TBX20: variants seen among roughly 807,000 people sequenced by gnomAD.
The protein encoded by TBX20 is T-box transcription factor 20, also known as T-box transcription factor TBX20.
Under a neutral mutation model 42.9 loss-of-function variants are expected in TBX20, and 8 were observed. The observed-to-expected ratio is 0.19, with a 90% CI of 0.11 to 0.34. The LOEUF (loss-of-function observed/expected upper bound fraction) is 0.34, where lower values mean the gene tolerates loss of function less well. Ranked by LOEUF, TBX20 falls within the 10% of genes least tolerant of loss-of-function variation. The probability of loss-of-function intolerance (pLI) is 1.00; values close to 1 mark genes in which losing one functional copy is unlikely to be tolerated. For synonymous variants in TBX20, 198 were observed against 222.8 expected, an observed-to-expected ratio of 0.89 and a Z score of 0.99; for missense variants, 411 against 566.0, an observed-to-expected ratio of 0.73 and a Z score of 2.78.
At chr7:35,251,552 G>A (rs758325026) in intron 1 of TBX20, among the ~76,000 whole-genome samples, 18 of 152,008 alleles carry the variant, frequency 1.2e-4, no homozygotes, top group Non-Finnish European at 2.4e-4. Context: ...TAATGTCTTC[G>A]GAGGGAATTA....
chr7:35,241,974 C>T (rs564991678), intron 4 of TBX20, among the ~76,000 whole-genome samples: 8 of 152,180 alleles, frequency 5.3e-5, no homozygotes, highest in East Asian at 3.9e-4. Context: ...TATGTCTTTC[C>T]GGGGATGAGA....
In TBX20 at chr7:35,248,805, C is replaced by A. The variant is rs753944089; in HGVS notation, c.417G>T (p.Gly139=). The part of the protein sequence containing the change: ...MFPTIRVSFS[G]VDPEAKYIVL... ...CTATGTACTTGGCCTCAGGATCCAC[C>A]CCCGAAAAGGACACCCGGATGGTTG... The change falls in exon 3 of 8, where the codon GGG becomes GGT. Residue 139 remains glycine (G), a synonymous_variant. Coordinates refer to ENST00000408931, the MANE Select transcript of TBX20 (RefSeq NM_001077653.2). 2 of 1,613,954 alleles carry A rather than the reference C, an allele frequency of 1.2e-6. No homozygotes were observed. The highest frequency in any genetic ancestry group is 1.7e-6 in the Non-Finnish European group (2 of 1,180,036).
intron 5 of TBX20, among the ~76,000 whole-genome samples, chr7:35,234,423 T>C (rs1789923626): frequency 6.6e-6 from 1 of 152,218 alleles, no homozygotes; most frequent in African/African-American, 2.4e-5. Flanking sequence ...GTTGCTCAAT[T>C]GACGTGTCAC....
intron 6 of TBX20, among the ~76,000 whole-genome samples, chr7:35,207,926 T>A (rs1339633016): frequency 5.3e-5 from 8 of 152,232 alleles, no homozygotes; most frequent in Non-Finnish European, 1.2e-4. Flanking sequence ...TTCTAGTTCT[T>A]TGCATTTCCA....
At chr7:35,236,713 G>A (rs1414273825) in intron 5 of TBX20, among the ~76,000 whole-genome samples, 2 of 152,148 alleles carry the variant, frequency 1.3e-5, no homozygotes, top group Non-Finnish European at 2.9e-5. Flanking sequence ...AAGGCATATG[G>A]CTTTGTGCAA....
intron 6 of TBX20, among the ~76,000 whole-genome samples, chr7:35,228,921 G>A (rs912063655): frequency 6.6e-6 from 1 of 152,088 alleles, no homozygotes; most frequent in Admixed American, 6.6e-5. Flanking sequence ...GAAGAGTAAG[G>A]CTACACACAA....
chr7:35,219,868 G>C (rs1789651060), intron 6 of TBX20, among the ~76,000 whole-genome samples: 1 of 152,144 alleles, frequency 6.6e-6, no homozygotes, highest in African/African-American at 2.4e-5. Flanking sequence ...TGAGCTCTGA[G>C]CAAAAAGGGC....
chr7:35,209,923 A>C (rs1388032834), intron 6 of TBX20, among the ~76,000 whole-genome samples: 1 of 152,080 alleles, frequency 6.6e-6, no homozygotes, highest in Non-Finnish European at 1.5e-5. Flanking sequence ...GGTTGTTTAG[A>C]CATGTGTTAT....
intron 4 of TBX20, among the ~76,000 whole-genome samples, chr7:35,242,528 A>C (rs903225485): frequency 6.6e-6 from 1 of 152,200 alleles, no homozygotes. Flanking sequence ...CATTCATCAT[A>C]TATTCTACTG....
intron 6 of TBX20, among the ~76,000 whole-genome samples, chr7:35,214,665 G>A (rs1789551629): frequency 2.0e-5 from 3 of 152,164 alleles, no homozygotes; most frequent in Non-Finnish European, 4.4e-5. Context: ...ATATTAGAGA[G>A]TGACCATCTT....
At chr7:35,238,272 C>G (rs1411683385) in intron 5 of TBX20, among the ~76,000 whole-genome samples, 1 of 152,166 alleles carries the variant, frequency 6.6e-6, no homozygotes, top group Non-Finnish European at 1.5e-5. Flanking sequence ...CCCGCCAACA[C>G]TTACGCAGTC....
chr7:35,248,610 C>A, intron 3 of TBX20, 67 bp downstream of exon 3: 1 of 1,565,020 alleles, frequency 6.4e-7, no homozygotes, highest in Non-Finnish European at 8.8e-7. Context: ...TTAAAATTCA[C>A]ACAAGCCAGA....
intron 6 of TBX20, among the ~76,000 whole-genome samples, chr7:35,227,164 A>T (rs1416560847): frequency 6.6e-6 from 1 of 152,168 alleles, no homozygotes; most frequent in South Asian, 2.1e-4. Context: ...ACAGTTGTAC[A>T]ATGTGTATGT....
chr7:35,247,099 C>T (rs1265981196), intron 3 of TBX20, among the ~76,000 whole-genome samples: 2 of 144,586 alleles, frequency 1.4e-5, no homozygotes, highest in African/African-American at 5.1e-5. Context: ...CTCCCCATAC[C>T]TTCAGATAGG....
At chr7:35,240,797 A>T (rs1261255510) in intron 5 of TBX20, 82 bp downstream of exon 5, 18 of 1,296,598 alleles carry the variant, frequency 1.4e-5, no homozygotes, top group Non-Finnish European at 1.6e-5. Context: ...GAGTACTGGG[A>T]TATCTCTTCT....
intron 5 of TBX20, among the ~76,000 whole-genome samples, chr7:35,234,642 C>T (rs1363185229): frequency 6.6e-6 from 1 of 151,896 alleles, no homozygotes; most frequent in Non-Finnish European, 1.5e-5. Flanking sequence ...AAGAATAGTA[C>T]AGGTGCTCTT....
At chr7:35,230,318 C>G (rs932013949) in intron 6 of TBX20, among the ~76,000 whole-genome samples, 3 of 152,192 alleles carry the variant, frequency 2.0e-5, no homozygotes, top group African/African-American at 7.2e-5. Flanking sequence ...CTTGCCTTCT[C>G]TCTGGACTTT....
chr7:35,212,470 T>G (rs563893667), intron 6 of TBX20, among the ~76,000 whole-genome samples: 1 of 152,328 alleles, frequency 6.6e-6, no homozygotes, highest in East Asian at 1.9e-4. Context: ...ATACTAGGCA[T>G]TGTGAATTTT....
At chr7:35,223,079 A>T (rs1297443787) in intron 6 of TBX20, among the ~76,000 whole-genome samples, 1 of 151,138 alleles carries the variant, frequency 6.6e-6, no homozygotes, top group African/African-American at 2.4e-5. Flanking sequence ...AAGTAGTTGG[A>T]CTCCTCTGGA....
Sources: allele counts gnomAD v4.1 joint callset (sites outside exome capture counted in the v4.1 genomes callset), GRCh38; gene constraint gnomAD v4.1.1; transcripts MANE v1.5; gene names NCBI Gene and HGNC (gene_info 2026-07-23, HGNC 2026-07-21).